Variants in TENM1 observed in about 807,000 individuals in gnomAD.
The protein encoded by TENM1 is teneurin-1.
A neutral mutation model predicts 174.8 loss-of-function variants in TENM1; 35 were observed. The observed-to-expected ratio is 0.20, with a 90% CI of 0.15 to 0.27. The LOEUF (loss-of-function observed/expected upper bound fraction) is 0.27. Ranked by LOEUF, TENM1 falls within the 10% of genes least tolerant of loss-of-function variation. The pLI is 1.00. For synonymous variants in TENM1, 781 were observed against 798.7 expected, an observed-to-expected ratio of 0.98 and a Z score of 0.37; for missense variants, 1,633 against 2,130.1, an observed-to-expected ratio of 0.77 and a Z score of 4.59.
At chrX:124,528,931 G>A (rs888591153) in intron 16 of TENM1, among the ~76,000 whole-genome samples, 2 of 110,687 alleles carry the variant, frequency 1.8e-5, no homozygotes, top group African/African-American at 3.3e-5. Flanking sequence ...AAATAAATCC[G>A]GCACAGCCCA....
intron 14 of TENM1, among the ~76,000 whole-genome samples, chrX:124,547,486 G>A (rs748138438): frequency 8.9e-6 from 1 of 112,089 alleles, no homozygotes; most frequent in South Asian, 3.7e-4. Flanking sequence ...ACATCTATGA[G>A]CACACAATTA....
chrX:125,056,756 A>T, the TENM1 span, among the ~76,000 whole-genome samples: 1 of 112,087 alleles, frequency 8.9e-6, no homozygotes, highest in Admixed American at 9.5e-5. Flanking sequence ...TCACCCTTGT[A>T]ATACCAAAAA....
Position 124,754,324 on chromosome X carries a change from G to A in TENM1, c.536-17127C>T, listed in dbSNP as rs182014118. ...TGGTAGTTTGTATTTCTGTGGGATT[G>A]GTGGTGACATCCCCTTTACCATTTT... On this transcript the variant is annotated intron_variant, in intron 3 of 31. Coordinates refer to ENST00000422452, the Ensembl canonical transcript of TENM1. 6.0e-3 allele frequency among the ~76,000 whole-genome samples: 665 copies of A among 111,468 alleles called. 4 individuals carry two copies. Among genetic ancestry groups the A allele is most frequent in the African/African-American group, 0.021 (639 of 30,667 alleles).
intron 1 of TENM1, among the ~76,000 whole-genome samples, chrX:124,907,003 A>G (rs185847332): frequency 1.8e-5 from 2 of 111,314 alleles, no homozygotes; most frequent in Admixed American, 1.9e-4. Flanking sequence ...GATTGTGGTG[A>G]TGTTTTCATG....
At chrX:124,826,542 T>C (rs1433268797) in intron 3 of TENM1, among the ~76,000 whole-genome samples, 1 of 111,900 alleles carries the variant, frequency 8.9e-6, no homozygotes, top group Non-Finnish European at 1.9e-5. Flanking sequence ...TATTTACAGA[T>C]GTTAGAACTT....
At chrX:124,575,180 C>T (rs2049139325) in intron 11 of TENM1, among the ~76,000 whole-genome samples, 1 of 111,874 alleles carries the variant, frequency 8.9e-6, no homozygotes, top group Non-Finnish European at 1.9e-5. Context: ...CCATCTCTAA[C>T]CAATCTTTAC....
chrX:124,760,053 CCTGTGCACTGGGAGGAAGG>C (rs766024130), intron 3 of TENM1, among the ~76,000 whole-genome samples: 32 of 111,662 alleles, frequency 2.9e-4, no homozygotes, highest in Non-Finnish European at 5.5e-4. Flanking sequence ...ATACAGCCCA[CCTGTGCACTGGGAGGAAGG>C]GGTGGAGCCT....
chrX:124,387,672 TC>T (rs1407520435), intron 28 of TENM1, among the ~76,000 whole-genome samples: 1 of 112,534 alleles, frequency 8.9e-6, no homozygotes, highest in Non-Finnish European at 1.9e-5. Context: ...CTGCATATCC[TC>T]CCTACCCTTC....
chrX:125,101,157 GT>G, the TENM1 span, among the ~76,000 whole-genome samples: 1 of 112,092 alleles, frequency 8.9e-6, no homozygotes, highest in Non-Finnish European at 1.9e-5. Context: ...GGTCAAATAT[GT>G]TTGCTAAATG....
At chrX:124,608,897 C>T (rs2050221137) in intron 11 of TENM1, among the ~76,000 whole-genome samples, 1 of 109,589 alleles carries the variant, frequency 9.1e-6, no homozygotes, top group Non-Finnish European at 1.9e-5. Context: ...AAAAAATACA[C>T]ACCCATATTG....
chrX:124,915,265 C>T (rs1024063334), intron 1 of TENM1, among the ~76,000 whole-genome samples: 3 of 112,410 alleles, frequency 2.7e-5, no homozygotes, highest in Non-Finnish European at 5.6e-5. Context: ...TGGCTCACGC[C>T]TGTAATCCTA....
At chrX:125,158,022 G>A in the TENM1 span, among the ~76,000 whole-genome samples, 1 of 111,419 alleles carries the variant, frequency 9.0e-6, no homozygotes, top group Non-Finnish European at 1.9e-5. Flanking sequence ...CCTGAAAACA[G>A]AGACATCAAA....
At chrX:124,455,865 G>C (rs759235785) in intron 22 of TENM1, among the ~76,000 whole-genome samples, 2 of 111,296 alleles carry the variant, frequency 1.8e-5, no homozygotes, top group South Asian at 7.7e-4. Flanking sequence ...GTTCACAAAA[G>C]GTACAGAGAA....
At chrX:124,660,219 G>T (rs902901062) in intron 6 of TENM1, among the ~76,000 whole-genome samples, 19 of 109,419 alleles carry the variant, frequency 1.7e-4, no homozygotes, top group African/African-American at 5.7e-4. Flanking sequence ...CTAAAAAATA[G>T]AAAAAATTAG....
At chrX:124,754,857 T>G (rs2054185872) in intron 3 of TENM1, among the ~76,000 whole-genome samples, 2 of 106,700 alleles carry the variant, frequency 1.9e-5, no homozygotes, top group Non-Finnish European at 3.8e-5. Flanking sequence ...GAGAAACAGT[T>G]TGTTATAGTT....
the TENM1 span, among the ~76,000 whole-genome samples, chrX:125,058,510 T>A: frequency 6.3e-5 from 7 of 111,923 alleles, no homozygotes; most frequent in Middle Eastern, 4.2e-3. Context: ...TAAATAGATA[T>A]GAAAGAGTGT....
At chrX:124,485,483 G>GA (rs1950505208) in intron 21 of TENM1, among the ~76,000 whole-genome samples, 1 of 111,151 alleles carries the variant, frequency 9.0e-6, no homozygotes, top group African/African-American at 3.3e-5. Flanking sequence ...GATCTTTCTA[G>GA]AAAAAAGAAG....
At chrX:124,854,540 T>C (rs925246745) in intron 3 of TENM1, among the ~76,000 whole-genome samples, 1 of 111,750 alleles carries the variant, frequency 8.9e-6, no homozygotes, top group Admixed American at 9.5e-5. Flanking sequence ...TTCAGACAGA[T>C]ATTTTTCCTA....
intron 3 of TENM1, among the ~76,000 whole-genome samples, chrX:124,880,418 T>G (rs1477560217): frequency 1.8e-5 from 2 of 112,260 alleles, no homozygotes; most frequent in African/African-American, 6.5e-5. Context: ...TCTAAGAGTT[T>G]TTTGTTGACG....
Sources: gnomAD v4.1 joint callset for allele counts (sites outside exome capture counted in the v4.1 genomes callset) on GRCh38, gnomAD v4.1.1 for gene constraint, MANE v1.5 for transcripts, NCBI Gene and HGNC (gene_info 2026-07-23, HGNC 2026-07-21) for gene names.